The following GRIK2 variants were observed in gnomAD, a reference collection of about 807,000 sequenced individuals.
The protein encoded by GRIK2 is glutamate receptor ionotropic, kainate 2.
In GRIK2, 32 loss-of-function variants were observed where a neutral mutation model predicts 100.3. That is an observed-to-expected ratio of 0.32 (90% CI 0.24 to 0.43). GRIK2 has a LOEUF of 0.43. Among genes scored for constraint, GRIK2 ranks in the 20% least tolerant of loss-of-function variants. GRIK2 has a pLI of 1.00. For missense variants in GRIK2, 843 were observed against 1,114.9 expected (o/e 0.76, Z 3.47); for synonymous variants, 417 against 389.4 (o/e 1.07, Z -0.83).
chr6:101,803,767 A>T (rs1392425926), intron 9 of GRIK2, among the ~76,000 whole-genome samples: 1 of 151,956 alleles, frequency 6.6e-6, no homozygotes, highest in Non-Finnish European at 1.5e-5. Context: ...ATTACCATAG[A>T]TCCATTCCTG....
intron 14 of GRIK2, among the ~76,000 whole-genome samples, chr6:101,950,174 T>C (rs535852923): frequency 6.6e-6 from 1 of 152,294 alleles, no homozygotes; most frequent in African/African-American, 2.4e-5. Context: ...TGTATCACAT[T>C]GGGACTACAA....
chr6:101,619,059 A>T (rs1739557093), intron 2 of GRIK2, among the ~76,000 whole-genome samples: 1 of 149,468 alleles, frequency 6.7e-6, no homozygotes, highest in Non-Finnish European at 1.5e-5. Context: ...TGATAGTAAG[A>T]TTTTCCGAAT....
At chr6:101,394,213 G>C (rs1004161634) in intron 1 of GRIK2, among the ~76,000 whole-genome samples, 3 of 152,148 alleles carry the variant, frequency 2.0e-5, no homozygotes, top group African/African-American at 7.2e-5. Context: ...CGGCGGGTCT[G>C]ACGAACTCCC....
In GRIK2 at chr6:101,737,226, G is replaced by A. The variant is rs139936622; in HGVS notation, c.951+50873G>A. Reference sequence around the variant, plus strand: ...CTCCAATCTGTTCCACCCTCTGTCTGTTACCAAGTTCCAAAGTTGCTTCCA... The same window carrying A: ...CTCCAATCTGTTCCACCCTCTGTCTATTACCAAGTTCCAAAGTTGCTTCCA... On this transcript the variant is annotated intron_variant, in intron 7 of 16. Transcript: ENST00000369134. Among the ~76,000 whole-genome samples the A allele has an allele frequency of 3.1e-3, 465 of 152,156 alleles. 5 individuals carry two copies. Among genetic ancestry groups the A allele is most frequent in the African/African-American group, 0.01 (420 of 41,502 alleles).
chr6:101,739,490 T>A (rs1268415797), intron 7 of GRIK2, among the ~76,000 whole-genome samples: 1 of 152,196 alleles, frequency 6.6e-6, no homozygotes, highest in African/African-American at 2.4e-5. Context: ...GCTCTGTTAT[T>A]GACTGGCTCA....
intron 2 of GRIK2, among the ~76,000 whole-genome samples, chr6:101,602,565 T>TA (rs1274544073): frequency 6.6e-6 from 1 of 151,470 alleles, no homozygotes; most frequent in African/African-American, 2.4e-5. Flanking sequence ...AGTTTTTTTT[T>TA]AAAGAAATGG....
At chr6:101,794,968 C>G (rs1377175026) in intron 7 of GRIK2, among the ~76,000 whole-genome samples, 2 of 151,698 alleles carry the variant, frequency 1.3e-5, no homozygotes, top group Non-Finnish European at 2.9e-5. Flanking sequence ...CGGGTTCAAG[C>G]CATTCTCCTG....
At chr6:102,050,180 C>T (rs1310822030) in intron 15 of GRIK2, among the ~76,000 whole-genome samples, 1 of 151,246 alleles carries the variant, frequency 6.6e-6, no homozygotes, top group Non-Finnish European at 1.5e-5. Flanking sequence ...TAGACTTAAA[C>T]TTTAAAATTA....
intron 11 of GRIK2, among the ~76,000 whole-genome samples, chr6:101,883,066 T>C (rs1786368424): frequency 6.6e-6 from 1 of 151,930 alleles, no homozygotes; most frequent in Non-Finnish European, 1.5e-5. Flanking sequence ...TAATCCAGCA[T>C]TTCTCATTCA....
chr6:101,403,957 G>T (rs757565594), intron 2 of GRIK2, among the ~76,000 whole-genome samples: 73 of 152,272 alleles, frequency 4.8e-4, no homozygotes, highest in Non-Finnish European at 9.3e-4. Context: ...AAGCTTCAAA[G>T]AATAACTTGA....
intron 2 of GRIK2, among the ~76,000 whole-genome samples, chr6:101,456,757 A>T (rs1372666913): frequency 6.6e-6 from 1 of 151,746 alleles, no homozygotes; most frequent in Non-Finnish European, 1.5e-5. Context: ...TACATCTTGG[A>T]TTATTGCATT....
At chr6:101,972,661 C>T (rs1793122539) in intron 14 of GRIK2, among the ~76,000 whole-genome samples, 1 of 151,460 alleles carries the variant, frequency 6.6e-6, no homozygotes, top group Non-Finnish European at 1.5e-5. Context: ...AGAGTATTTC[C>T]TAGGTTTGTA....
intron 4 of GRIK2, among the ~76,000 whole-genome samples, chr6:101,640,726 T>C (rs951596819): frequency 6.6e-6 from 1 of 151,862 alleles, no homozygotes; most frequent in Admixed American, 6.6e-5. Context: ...TTTATAGGTA[T>C]AGTTGTGGCC....
At chr6:101,592,482 G>A (rs962113337) in intron 2 of GRIK2, among the ~76,000 whole-genome samples, 2 of 150,622 alleles carry the variant, frequency 1.3e-5, no homozygotes, top group Non-Finnish European at 3.0e-5. Context: ...TTCAGCTGAG[G>A]CAATTCCTGG....
intron 12 of GRIK2, among the ~76,000 whole-genome samples, chr6:101,924,109 T>A (rs1789735207): frequency 6.6e-6 from 1 of 152,106 alleles, no homozygotes; most frequent in Admixed American, 6.6e-5. Context: ...ATCATTTTGT[T>A]AGATACATAA....
chr6:101,759,348 T>A (rs1583087812), intron 7 of GRIK2, among the ~76,000 whole-genome samples: 1 of 152,120 alleles, frequency 6.6e-6, no homozygotes, highest in East Asian at 1.9e-4. Context: ...TTTGTAGGGG[T>A]TGTAAAACAA....
At chr6:101,713,788 T>C (rs564799642) in intron 7 of GRIK2, among the ~76,000 whole-genome samples, 27 of 151,896 alleles carry the variant, frequency 1.8e-4, no homozygotes, top group South Asian at 4.1e-4. Flanking sequence ...CTTCTAACAG[T>C]AGTATTTTTA....
At chr6:101,645,421 A>G (rs1384924369) in intron 4 of GRIK2, among the ~76,000 whole-genome samples, 2 of 151,898 alleles carry the variant, frequency 1.3e-5, no homozygotes, top group Non-Finnish European at 2.9e-5. Flanking sequence ...AAACTACAAT[A>G]CATAACAAGG....
chr6:101,412,363 G>A (rs549148742), intron 2 of GRIK2, among the ~76,000 whole-genome samples: 6 of 151,880 alleles, frequency 4.0e-5, no homozygotes, highest in Non-Finnish European at 5.9e-5. Flanking sequence ...AAACACATAC[G>A]TTTGTTAAAT....
Sources: gnomAD v4.1 joint callset for allele counts (sites outside exome capture counted in the v4.1 genomes callset) on GRCh38, gnomAD v4.1.1 for gene constraint, MANE v1.5 for transcripts, NCBI Gene and HGNC (gene_info 2026-07-23, HGNC 2026-07-21) for gene names.